The following STAU2 variants were observed in gnomAD, a reference collection of about 807,000 sequenced individuals.
The protein encoded by STAU2 is double-stranded RNA-binding protein Staufen homolog 2.
STAU2 carries 20 observed loss-of-function variants against 65.9 expected under a neutral mutation model. The ratio of observed to expected loss-of-function variants is 0.30; its 90% CI spans 0.21 to 0.44. STAU2 has a LOEUF of 0.44. STAU2 is among the 20% of genes least tolerant of loss of function. The pLI, the probability that STAU2 is intolerant of heterozygous loss-of-function variation, is 1.00. For missense variants in STAU2, 558 were observed against 683.9 expected (o/e 0.82, Z 2.05); for synonymous variants, 232 against 233.9 (o/e 0.99, Z 0.07).
At chr8:73,738,496 C>T in intron 2 of STAU2, 147 bp from the exon 3 acceptor site, 2 of 639,288 alleles carry the variant, frequency 3.1e-6, no homozygotes, top group Non-Finnish European at 5.1e-6. Context: ...TAAAAATGTT[C>T]TGTACTTGCA....
intron 13 of STAU2, among the ~76,000 whole-genome samples, chr8:73,483,796 G>A (rs1004176033): frequency 6.6e-6 from 1 of 152,160 alleles, no homozygotes; most frequent in Admixed American, 6.6e-5. Context: ...AAGGAGGTGT[G>A]ATTGATACGC....
chr8:73,422,775 G>GAGAGAGAA, intron 13 of STAU2, 73 bp from the exon 14 acceptor site: 1 of 1,018,308 alleles, frequency 9.8e-7, no homozygotes, highest in Non-Finnish European at 1.3e-6. Flanking sequence ...AAAGAAAGCT[G>GAGAGAGAA]AGATAGAAAG....
intron 13 of STAU2, among the ~76,000 whole-genome samples, chr8:73,484,475 C>G (rs1027942314): frequency 6.6e-6 from 1 of 152,050 alleles, no homozygotes; most frequent in Non-Finnish European, 1.5e-5. Context: ...AAATGAAGCC[C>G]TGGAAATCTT....
chr8:73,487,366 C>T (rs1820968906), intron 13 of STAU2, among the ~76,000 whole-genome samples: 2 of 152,066 alleles, frequency 1.3e-5, no homozygotes, highest in South Asian at 4.1e-4. Context: ...TGGTCTTTCT[C>T]TCCCACTAAT....
chr8:73,616,901 A>G (rs1167926877), intron 7 of STAU2, among the ~76,000 whole-genome samples: 1 of 152,208 alleles, frequency 6.6e-6, no homozygotes, highest in Non-Finnish European at 1.5e-5. Flanking sequence ...AGAATGAGTG[A>G]GATTACTTAA....
intron 6 of STAU2, among the ~76,000 whole-genome samples, chr8:73,629,515 C>T (rs111606562): frequency 1.3e-5 from 2 of 152,082 alleles, no homozygotes; most frequent in Non-Finnish European, 2.9e-5. Flanking sequence ...AAAAAAATTG[C>T]AGGGTTTTAA....
intron 13 of STAU2, among the ~76,000 whole-genome samples, chr8:73,545,259 A>G (rs928243356): frequency 6.6e-6 from 1 of 152,078 alleles, no homozygotes; most frequent in African/African-American, 2.4e-5. Flanking sequence ...TTAGGACTTG[A>G]TTCTAGACTT....
chr8:73,462,647 C>A (rs769789103), intron 13 of STAU2, among the ~76,000 whole-genome samples: 2 of 151,592 alleles, frequency 1.3e-5, no homozygotes, highest in Non-Finnish European at 2.9e-5. Context: ...ATCCTCCTGC[C>A]AGGCCTCCCA....
rs751087630 is a variant in STAU2 at position 73,711,131 on chromosome 8, CAAAAAAA to C, written c.-17-1976_-17-1970del. Among the ~76,000 whole-genome samples the C allele has an allele frequency of 4.5e-4, 14 of 31,094 alleles. No individual in the cohort carries two copies. In the South Asian group the frequency reaches 4.8e-3, roughly 11 times the overall value. The allele number at this position is 31,094 out of a possible 152,430, so 20.4% of individuals were successfully genotyped here. On this transcript the variant is annotated intron_variant, in intron 3 of 14. Transcript: ENST00000524300. ...CAATTAAGCCATTGTAAGTGGCTTG[CAAAAAAA>C]AAAAAAAAAAAAAAAAAAACTAGTA...
At chr8:73,711,598 T>C (rs773564312) in intron 3 of STAU2, among the ~76,000 whole-genome samples, 10 of 152,122 alleles carry the variant, frequency 6.6e-5, no homozygotes, top group South Asian at 6.2e-4. Flanking sequence ...ACTATGAAAA[T>C]TGCTAATAGC....
intron 1 of STAU2, among the ~76,000 whole-genome samples, chr8:73,743,358 G>A (rs1379294823): frequency 6.6e-6 from 1 of 151,896 alleles, no homozygotes; most frequent in Non-Finnish European, 1.5e-5. Context: ...TCTAGAGGTT[G>A]GGTTATTTGC....
intron 13 of STAU2, among the ~76,000 whole-genome samples, chr8:73,523,196 CAA>C (rs763732188): frequency 0.085 from 6,680 of 78,560 alleles, 321 homozygotes; most frequent in Admixed American, 0.22. Context: ...ACTTTGTCTC[CAA>C]AAAAAAAAAA....
chr8:73,708,706 A>C (rs1324583958), intron 4 of STAU2, among the ~76,000 whole-genome samples: 1 of 152,164 alleles, frequency 6.6e-6, no homozygotes, highest in African/African-American at 2.4e-5. Flanking sequence ...ATATTCAAGT[A>C]CTGGCACTGG....
intron 3 of STAU2, among the ~76,000 whole-genome samples, chr8:73,715,498 G>A (rs2130677738): frequency 6.6e-6 from 1 of 151,272 alleles, no homozygotes; most frequent in Non-Finnish European, 1.5e-5. Flanking sequence ...AAATTCCAGT[G>A]ATATATAATT....
intron 10 of STAU2, among the ~76,000 whole-genome samples, chr8:73,598,658 T>A (rs1262150520): frequency 6.6e-6 from 1 of 152,116 alleles, no homozygotes; most frequent in African/African-American, 2.4e-5. Flanking sequence ...ATTACTACTG[T>A]TTAACAGTTT....
intron 6 of STAU2, among the ~76,000 whole-genome samples, chr8:73,642,615 C>T (rs538459855): frequency 7.9e-5 from 12 of 152,274 alleles, no homozygotes; most frequent in African/African-American, 2.9e-4. Flanking sequence ...TCTGCCTACC[C>T]TCTCCTGCTT....
At chr8:73,574,442 A>C (rs1448083301) in intron 12 of STAU2, among the ~76,000 whole-genome samples, 1 of 152,238 alleles carries the variant, frequency 6.6e-6, no homozygotes, top group Non-Finnish European at 1.5e-5. Flanking sequence ...TGCTGCTATA[A>C]AGACACATGC....
At chr8:73,593,905 ACG>A (rs1264815078) in intron 11 of STAU2, among the ~76,000 whole-genome samples, 2 of 141,358 alleles carry the variant, frequency 1.4e-5, no homozygotes, top group East Asian at 2.1e-4. Context: ...ACACACACAC[ACG>A]TTGATGGTTC....
intron 6 of STAU2, among the ~76,000 whole-genome samples, chr8:73,634,683 C>T (rs917033542): frequency 6.6e-6 from 1 of 152,178 alleles, no homozygotes; most frequent in African/African-American, 2.4e-5. Context: ...CTTCTCTAGC[C>T]ACACTAGTCT....
Sources: allele counts gnomAD v4.1 joint callset (sites outside exome capture counted in the v4.1 genomes callset), GRCh38; gene constraint gnomAD v4.1.1; transcripts MANE v1.5; gene names NCBI Gene and HGNC (gene_info 2026-07-23, HGNC 2026-07-21).